Variants in GALNTL6 observed in about 807,000 individuals in gnomAD.
The protein encoded by GALNTL6 is polypeptide N-acetylgalactosaminyltransferase-like 6.
A neutral mutation model predicts 73.7 loss-of-function variants in GALNTL6; 46 were observed. The observed-to-expected ratio is 0.62, with a 90% CI of 0.49 to 0.80. The LOEUF (loss-of-function observed/expected upper bound fraction) is 0.80, where lower values mean the gene tolerates loss of function less well. Among genes scored for constraint, GALNTL6 ranks in the 30% least tolerant of loss-of-function variants. GALNTL6 has a pLI of 0.00. For synonymous variants in GALNTL6, 259 were observed against 263.7 expected, an observed-to-expected ratio of 0.98 and a Z score of 0.17; for missense variants, 604 against 755.0, an observed-to-expected ratio of 0.80 and a Z score of 2.34.
chr4:172,320,802 C>T (rs1009815355), intron 4 of GALNTL6, among the ~76,000 whole-genome samples: 4 of 152,196 alleles, frequency 2.6e-5, no homozygotes, highest in African/African-American at 4.8e-5. Flanking sequence ...GAAGAAACCC[C>T]TACGAATACC....
At chr4:172,421,445 T>C (rs1339481588) in intron 5 of GALNTL6, among the ~76,000 whole-genome samples, 4 of 151,992 alleles carry the variant, frequency 2.6e-5, no homozygotes, top group Non-Finnish European at 5.9e-5. Flanking sequence ...TAAAATTGTA[T>C]TGTTTGTATA....
At chr4:172,534,279 C>G (rs1306009374) in intron 5 of GALNTL6, among the ~76,000 whole-genome samples, 1 of 152,094 alleles carries the variant, frequency 6.6e-6, no homozygotes, top group Non-Finnish European at 1.5e-5. Context: ...GAAAGAGTGG[C>G]CTTCTACATT....
chr4:171,937,970 A>T (rs78793908), intron 2 of GALNTL6, among the ~76,000 whole-genome samples: 6,456 of 152,202 alleles, frequency 0.042, 395 homozygotes, highest in African/African-American at 0.14. Flanking sequence ...TTTCTTTCAG[A>T]TACTTGGGTT....
rs2126516086 is a variant in GALNTL6 at position 173,021,579 on chromosome 4, A to G, written c.1592A>G (p.Tyr531Cys). The G allele has an allele frequency of 6.2e-7, 1 of 1,614,072 alleles. No individual in the cohort carries two copies. The highest frequency in any genetic ancestry group is 8.5e-7 in the Non-Finnish European group (1 of 1,179,972). ...AISHNSPVTL[Y>C]DCHGMKGNQL... ...TCACACAACAGCCCCGTTACACTCT[A>G]TGACTGTCATGGCATGAAGGGGAAC... Residue 531 changes from tyrosine to cysteine, a missense_variant, in exon 12 of 13, where the codon TAT (tyrosine) becomes TGT (cysteine). By Grantham distance (194) the Tyr-to-Cys change is radical. Around this residue, in one of 5 missense-constraint regions of GALNTL6, gnomAD observed 261 missense variants for 296.5 expected, o/e 0.88. Transcript: ENST00000506823.
At chr4:172,383,854 A>G (rs1272166150) in intron 5 of GALNTL6, among the ~76,000 whole-genome samples, 2 of 152,018 alleles carry the variant, frequency 1.3e-5, no homozygotes, top group Non-Finnish European at 2.9e-5. Context: ...ATACTTTTCT[A>G]CTTCTATGAA....
chr4:172,330,601 G>T (rs1395400834), intron 4 of GALNTL6, among the ~76,000 whole-genome samples: 1 of 152,120 alleles, frequency 6.6e-6, no homozygotes, highest in Non-Finnish European at 1.5e-5. Flanking sequence ...AGCCATCTTG[G>T]CCAGCTCCCA....
At chr4:172,402,323 C>T (rs75893496) in intron 5 of GALNTL6, among the ~76,000 whole-genome samples, 222 of 152,090 alleles carry the variant, frequency 1.5e-3, no homozygotes, top group African/African-American at 5.1e-3. Flanking sequence ...AACTGGTAGG[C>T]TCAGCATTCT....
At chr4:172,921,934 G>C (rs1747814461) in intron 8 of GALNTL6, among the ~76,000 whole-genome samples, 1 of 152,022 alleles carries the variant, frequency 6.6e-6, no homozygotes, top group South Asian at 2.1e-4. Flanking sequence ...AACTACTAAA[G>C]TATGGAGATA....
At chr4:171,899,282 G>A (rs6553600) in intron 2 of GALNTL6, among the ~76,000 whole-genome samples, 118 of 152,044 alleles carry the variant, frequency 7.8e-4, no homozygotes, top group African/African-American at 2.4e-3. Context: ...GACTAGTAGC[G>A]TTTAAAAAAT....
chr4:172,999,058 A>G (rs368656698), intron 10 of GALNTL6, among the ~76,000 whole-genome samples: 2 of 151,858 alleles, frequency 1.3e-5, no homozygotes, highest in African/African-American at 4.8e-5. Context: ...TGAAGCAGCA[A>G]CTCCAAAAAA....
intron 2 of GALNTL6, among the ~76,000 whole-genome samples, chr4:171,825,555 A>T (rs947195167): frequency 3.9e-5 from 6 of 152,130 alleles, no homozygotes; most frequent in African/African-American, 1.4e-4. Context: ...TTTTTGGAAG[A>T]TCTTTGGCAT....
At chr4:172,128,192 A>C (rs1733359036) in intron 2 of GALNTL6, among the ~76,000 whole-genome samples, 1 of 152,228 alleles carries the variant, frequency 6.6e-6, no homozygotes, top group African/African-American at 2.4e-5. Flanking sequence ...TTATTTTGAC[A>C]AATTTTAAAA....
chr4:172,262,097 A>T, intron 3 of GALNTL6, among the ~76,000 whole-genome samples: 1 of 151,454 alleles, frequency 6.6e-6, no homozygotes, highest in East Asian at 1.9e-4. Flanking sequence ...TAAAAAGAAA[A>T]TGTATATCTT....
At chr4:172,897,535 G>A (rs1400210417) in intron 8 of GALNTL6, among the ~76,000 whole-genome samples, 1 of 152,170 alleles carries the variant, frequency 6.6e-6, no homozygotes, top group African/African-American at 2.4e-5. Context: ...AAACCCCTTG[G>A]CAGATGGTTT....
chr4:172,413,253 G>A (rs535647205), intron 5 of GALNTL6, among the ~76,000 whole-genome samples: 2 of 152,238 alleles, frequency 1.3e-5, no homozygotes, highest in South Asian at 4.1e-4. Flanking sequence ...ATACTGCATT[G>A]GCAACTAAGA....
chr4:171,882,340 A>G (rs182262854), intron 2 of GALNTL6, among the ~76,000 whole-genome samples: 83 of 152,358 alleles, frequency 5.4e-4, no homozygotes, highest in Non-Finnish European at 9.1e-4. Context: ...AGGAGATGCT[A>G]TAGTGAATAA....
chr4:171,872,004 A>G (rs932454290), intron 2 of GALNTL6, among the ~76,000 whole-genome samples: 3 of 152,142 alleles, frequency 2.0e-5, no homozygotes, highest in Non-Finnish European at 4.4e-5. Flanking sequence ...CTTTGAAATA[A>G]CTAGGTTAGC....
chr4:172,067,044 G>A (rs570289347), intron 2 of GALNTL6, among the ~76,000 whole-genome samples: 1 of 151,816 alleles, frequency 6.6e-6, no homozygotes, highest in African/African-American at 2.4e-5. Context: ...TTTTAACAGT[G>A]GTTAATCCCT....
At chr4:172,127,188 C>T (rs2111010272) in intron 2 of GALNTL6, among the ~76,000 whole-genome samples, 1 of 152,306 alleles carries the variant, frequency 6.6e-6, no homozygotes, top group South Asian at 2.1e-4. Context: ...CTTGAGCCTG[C>T]CTACTACAGC....
Sources: gnomAD v4.1 joint callset for allele counts (sites outside exome capture counted in the v4.1 genomes callset) on GRCh38, gnomAD v4.1.1 for gene constraint, gnomAD v4.1.1 regional missense constraint, MANE v1.5 for transcripts, NCBI Gene and HGNC (gene_info 2026-07-23, HGNC 2026-07-21) for gene names.